The following TEX15 variants were observed in gnomAD, a reference collection of about 807,000 sequenced individuals.
The protein encoded by TEX15 is testis expressed 15, meiosis and synapsis associated.
A neutral mutation model predicts 237.3 loss-of-function variants in TEX15; 171 were observed. That is an observed-to-expected ratio of 0.72 (90% CI 0.64 to 0.82). The LOEUF is 0.82. Among genes scored for constraint, TEX15 ranks in the 40% least tolerant of loss-of-function variants. TEX15 has a pLI of 0.00. For synonymous variants in TEX15, 1,338 were observed against 1,269.8 expected (o/e 1.05, Z -1.14); for missense variants, 3,750 against 3,646.5 (o/e 1.03, Z -0.73).
chr8:30,908,592 G>A (rs1226855250), intron 1 of TEX15, among the ~76,000 whole-genome samples: 5 of 152,158 alleles, frequency 3.3e-5, no homozygotes, highest in Non-Finnish European at 5.9e-5. Flanking sequence ...GCCCCATCCG[G>A]AAAAGAGGTT....
chr8:30,841,226 A>G (rs1211090813), intron 8 of TEX15, among the ~76,000 whole-genome samples: 1 of 152,170 alleles, frequency 6.6e-6, no homozygotes, highest in Non-Finnish European at 1.5e-5. Flanking sequence ...AGCTGCATAT[A>G]GGTTTCTTTT....
At chr8:30,882,111 C>T (rs1186950170) in intron 3 of TEX15, among the ~76,000 whole-genome samples, 1 of 152,152 alleles carries the variant, frequency 6.6e-6, no homozygotes, top group Non-Finnish European at 1.5e-5. Flanking sequence ...ATGACTATTT[C>T]AAAATGTGTT....
At position 30,848,458 on chromosome 8, in the gene TEX15, T is replaced by C; in HGVS notation, c.1709A>G (p.Asn570Ser). ...KAQRAQQESG[N>S]AYTKEYSSHI... The stretch of plus-strand genomic sequence containing the variant: ...ACTACTGTACTCTTTTGTATAAGCA[T>C]TACCGGACTCCTGTTGGGCTCTCTG... Residue 570 changes from asparagine to serine, a missense_variant, in exon 8 of 11, where the codon AAT becomes AGT. By Grantham distance (46) the Asn-to-Ser change is conservative. Coordinates refer to ENST00000643185, the MANE Select transcript of TEX15 (RefSeq NM_001350162.2). 6.2e-7 allele frequency: 1 copy of C among 1,614,144 alleles called. No homozygotes were observed. The highest frequency in any genetic ancestry group is 8.5e-7 in the Non-Finnish European group (1 of 1,180,000).
At position 30,833,239 on chromosome 8, in the gene TEX15, T is replaced by C; in HGVS notation, c.*47A>G. The C allele has an allele frequency of 7.4e-7, 1 of 1,358,058 alleles. No individual in the cohort carries two copies. Among genetic ancestry groups the C allele is most frequent in the East Asian group, 2.4e-5 (1 of 41,934 alleles). The allele number at this position is 1,358,058 out of a possible 1,614,324, so 84.1% of individuals were successfully genotyped here. ...TTAAAAAATATATAAGTAAAAAATA[T>C]TTGGAAAAACTTGTTATGTCTTATT... On this transcript the variant is annotated 3_prime_UTR_variant, in exon 11 of 11. Transcript: ENST00000643185.
chr8:30,867,145 ATTAC>A (rs998534732), intron 5 of TEX15, 116 bp downstream of exon 5: 8 of 393,120 alleles, frequency 2.0e-5, no homozygotes, highest in Non-Finnish European at 3.5e-5. Flanking sequence ...AAATATAATT[ATTAC>A]TTATTTAATA....
At chr8:30,886,254 C>T (rs1808643092) in intron 3 of TEX15, among the ~76,000 whole-genome samples, 1 of 152,202 alleles carries the variant, frequency 6.6e-6, no homozygotes, top group Admixed American at 6.5e-5. Context: ...AAGGGGAGCA[C>T]TGACTCTTTA....
In TEX15 at chr8:30,848,132, A is replaced by G. The variant is rs1235308620; in HGVS notation, c.2035T>C (p.Cys679Arg). 1 of 1,609,292 alleles carries G rather than the reference A, an allele frequency of 6.2e-7. No individual in the cohort carries two copies. Among genetic ancestry groups the G allele is most frequent in the South Asian group, 1.1e-5 (1 of 90,262 alleles). ...SESHNSFGKS[C>R]DKILITQELE... ...TCTTGAGTAATTAATATTTTATCAC[A>G]GCTTTTCCCAAAAGAATTATGACTC... The change falls in exon 8 of 11, where the codon TGT becomes CGT. Residue 679 changes from cysteine to arginine, a missense_variant. By Grantham distance (180) the Cys-to-Arg change is radical. Transcript: ENST00000643185.
At position 30,842,206 on chromosome 8, in the gene TEX15, TTTCTC is replaced by T. The variant is rs1210934771; in HGVS notation, c.7956_7960del (p.Glu2655AsnfsTer12). On this transcript the variant is annotated frameshift_variant, in exon 8 of 11. Coordinates refer to ENST00000643185, the MANE Select transcript of TEX15 (RefSeq NM_001350162.2). LOFTEE classifies it high-confidence loss of function. ...TACAATATGAATATTCATTTTTTCT[TTTCTC>T]TTCAGCTGTAAAATCTTCCTTCTGT... 6.2e-6 allele frequency: 10 copies of T among 1,611,880 alleles called. No individual in the cohort carries two copies. In the East Asian group the frequency reaches 8.9e-5, roughly 14 times the overall value.
At position 30,844,489 on chromosome 8, in the gene TEX15, T is replaced by C; in HGVS notation, c.5678A>G (p.Asn1893Ser). The C allele has an allele frequency of 6.2e-7, 1 of 1,613,132 alleles. No individual in the cohort carries two copies. Among genetic ancestry groups the C allele is most frequent in the East Asian group, 2.2e-5 (1 of 44,858 alleles). ...AGTGCTCAGATGGGAATCAATCAAG[T>C]TAGTTGTAATAATTTTCTCATTTAA... is the stretch of plus-strand genomic sequence containing the variant. ...SCLNEKIITT[N>S]LIDSHLSTKN... is the part of the protein sequence containing the mutation. Residue 1893 changes from asparagine to serine, a missense_variant, in exon 8 of 11, where the codon AAC becomes AGC. Physicochemically the swap from Asn to Ser is conservative, Grantham distance 46. Coordinates refer to ENST00000643185, the MANE Select transcript of TEX15 (RefSeq NM_001350162.2).
chr8:30,845,633 G>C lies in TEX15; in HGVS notation c.4534C>G (p.Gln1512Glu). Residue 1512 changes from glutamine to glutamate, a missense_variant, in exon 8 of 11, where the codon CAA becomes GAA. Physicochemically the swap from Gln to Glu is conservative, Grantham distance 29 (BLOSUM62 2). Coordinates refer to ENST00000643185, the MANE Select transcript of TEX15 (RefSeq NM_001350162.2). ...TTSHMGEFCN[Q>E]EHPESQLPVS... ...GGCAACTGTGATTCAGGATGTTCTT[G>C]ATTACAAAATTCTCCCATGTGACTG... 1.2e-6 allele frequency: 2 copies of C among 1,613,564 alleles called. No individual in the cohort carries two copies. Among genetic ancestry groups the C allele is most frequent in the Non-Finnish European group, 1.7e-6 (2 of 1,179,610 alleles).
Position 30,846,001 on chromosome 8 carries a change from T to G in TEX15, c.4166A>C (p.Lys1389Thr), listed in dbSNP as rs1382369776. ...AGATGTGTGAACTCTTCTATGAGCT[T>G]TTTTTAAGTGAACAACTGCTTTGTC... is the stretch of plus-strand genomic sequence containing the variant. ...KLDKAVVHLKKAHRRVHTSLQ... is the reference protein window; with the variant it reads ...KLDKAVVHLKTAHRRVHTSLQ... Residue 1389 changes from lysine to threonine, a missense_variant, in exon 8 of 11, where the codon AAA (lysine) becomes ACA (threonine). By Grantham distance (78) the Lys-to-Thr change is moderately conservative. Transcript: ENST00000643185. 6.2e-7 allele frequency: 1 copy of G among 1,612,938 alleles called. No homozygotes were observed. The highest frequency in any genetic ancestry group is 1.3e-5 in the African/African-American group (1 of 74,808).
chr8:30,877,206 G>A (rs1017650987), intron 3 of TEX15, among the ~76,000 whole-genome samples: 1 of 152,182 alleles, frequency 6.6e-6, no homozygotes, highest in African/African-American at 2.4e-5. Context: ...CATGCATTGG[G>A]TAACTCAAAT....
Position 30,846,045 on chromosome 8 carries a change from T to C in TEX15, c.4122A>G (p.Lys1374=). 6.2e-7 allele frequency: 1 copy of C among 1,613,378 alleles called. No homozygotes were observed. The highest frequency in any genetic ancestry group is 1.7e-4 in the Middle Eastern group (1 of 6,060). The change falls in exon 8 of 11, where the codon AAA becomes AAG. Residue 1374 remains lysine, a synonymous_variant. Coordinates refer to ENST00000643185, the MANE Select transcript of TEX15 (RefSeq NM_001350162.2). ...CTTTGTCTAGTTTTCTGGAAAGACA[T>C]TTGCTTTTACATAAAGATGCTTCAT... is the stretch of plus-strand genomic sequence containing the variant. ...LSDEASLCKS[K]CLSRKLDKAV...
Position 30,909,132 on chromosome 8 carries a change from G to GTAA in TEX15, c.-86+3746_-86+3747insTTA. Among the ~76,000 whole-genome samples, 2 of 151,778 alleles carry GTAA rather than the reference G, an allele frequency of 1.3e-5. 1 individual carries two copies. Among genetic ancestry groups the GTAA allele is most frequent in the African/African-American group, 4.8e-5 (2 of 41,244 alleles). On this transcript the variant is annotated intron_variant, in intron 1 of 10. Coordinates refer to ENST00000643185, the MANE Select transcript of TEX15 (RefSeq NM_001350162.2). ...GTGTGTAGTTTTAGATTTATATCAG[G>GTAA]ACAAACTAGATACTCAAATCAGTTA...
Position 30,837,637 on chromosome 8 carries a change from T to C in TEX15, c.8647A>G (p.Thr2883Ala). 6.2e-7 allele frequency: 1 copy of C among 1,614,060 alleles called. No homozygotes were observed. Among genetic ancestry groups the C allele is most frequent in the East Asian group, 2.2e-5 (1 of 44,882 alleles). ...GCATCAGGCACAAGAGAAACATCAG[T>C]TTCTGGGTTTATATCAGAAAGGCAG... ...KSCLSDINPETDVSLVPDASV... is the reference protein window; with the variant it reads ...KSCLSDINPEADVSLVPDASV... The change falls in exon 10 of 11, where the codon ACT becomes GCT. Residue 2883 changes from threonine to alanine, a missense_variant. By Grantham distance (58) the Thr-to-Ala change is moderately conservative. Transcript: ENST00000643185.
At chr8:30,861,559 A>G (rs1808051265) in intron 5 of TEX15, among the ~76,000 whole-genome samples, 1 of 152,176 alleles carries the variant, frequency 6.6e-6, no homozygotes, top group Non-Finnish European at 1.5e-5. Flanking sequence ...AAGCCAAATA[A>G]AGTCTGTAAT....
chr8:30,904,608 A>T (rs772417421), intron 1 of TEX15, among the ~76,000 whole-genome samples: 4 of 152,202 alleles, frequency 2.6e-5, no homozygotes, highest in Admixed American at 6.5e-5. Context: ...ATACTGAATC[A>T]ACTTTTCCTC....
intron 7 of TEX15, among the ~76,000 whole-genome samples, chr8:30,852,230 C>T (rs1241186220): frequency 2.0e-5 from 3 of 149,790 alleles, no homozygotes; most frequent in Non-Finnish European, 3.0e-5. Context: ...TCAGCCTCTC[C>T]GAGTAGCTGG....
At chr8:30,871,867 G>C (rs540690305) in intron 4 of TEX15, among the ~76,000 whole-genome samples, 20 of 152,190 alleles carry the variant, frequency 1.3e-4, no homozygotes, top group Admixed American at 1.2e-3. Flanking sequence ...GTGACTTACG[G>C]CTAGGTTTAA....
Sources: gnomAD v4.1 joint callset for allele counts (sites outside exome capture counted in the v4.1 genomes callset) on GRCh38, gnomAD v4.1.1 for gene constraint, MANE v1.5 for transcripts, NCBI Gene and HGNC (gene_info 2026-07-23, HGNC 2026-07-21) for gene names.